The following FGF13 variants were observed in gnomAD, a reference collection of about 807,000 sequenced individuals.
FGF13 encodes the protein fibroblast growth factor homologous factor 2.
A neutral mutation model predicts 19.5 loss-of-function variants in FGF13; 2 were observed. The observed-to-expected ratio is 0.10, with a 90% confidence interval of 0.04 to 0.32. The LOEUF is 0.32. Among genes scored for constraint, FGF13 ranks in the 10% least tolerant of loss-of-function variants. The pLI, the probability that FGF13 is intolerant of heterozygous loss-of-function variation, is 1.00. For synonymous variants in FGF13, 72 were observed against 76.9 expected, an observed-to-expected ratio of 0.94 and a Z score of 0.33; for missense variants, 113 against 192.7, an observed-to-expected ratio of 0.59 and a Z score of 2.45.
chrX:139,068,029 C>T lies in FGF13; in HGVS notation c.-113+135387G>A, dbSNP rs777934670. The stretch of plus-strand genomic sequence containing the variant: ...TCAATTTTGTCTTTTGTTGCCATTG[C>T]TTTTGGTGTTTTAGACATGAAGTCC... On this transcript the variant is annotated intron_variant, in intron 1 of 2. Coordinates refer to the FGF13 transcript ENST00000421460. Among the ~76,000 whole-genome samples the T allele has an allele frequency of 3.2e-3, 329 of 101,509 alleles. 2 individuals are homozygous for T. Among genetic ancestry groups the T allele is most frequent in the African/African-American group, 0.012 (309 of 25,894 alleles). The allele number at this position is 101,509 out of a possible 115,157, so 88.1% of individuals were successfully genotyped here. A position where few individuals can be genotyped will look rare whatever the true frequency, so the allele number is the denominator to read the frequency against.
At chrX:139,037,790 T>C (rs1015871230) in intron 1 of FGF13, among the ~76,000 whole-genome samples, 2 of 112,436 alleles carry the variant, frequency 1.8e-5, no homozygotes, top group Non-Finnish European at 3.8e-5. Context: ...TTTTACCATT[T>C]AAGGTAATAT....
At chrX:138,636,243 T>G (rs1208171477) in intron 3 of FGF13, among the ~76,000 whole-genome samples, 1 of 111,527 alleles carries the variant, frequency 9.0e-6, no homozygotes, top group South Asian at 3.8e-4. Flanking sequence ...GAAAGAAAAA[T>G]TCCCCCCTCA....
rs777929625 is a variant in FGF13 at position 138,626,037 on chromosome X, CAG to C, written c.*6811_*6812del. On this transcript the variant is annotated 3_prime_UTR_variant, in exon 5 of 5. Coordinates refer to ENST00000315930, the MANE Select transcript of FGF13 (RefSeq NM_004114.5). ...GCAAGGTTGTGAATCATACTTTGCT[CAG>C]AGTCTATTTTCTTTCTTTCATTTTG... 2.8e-3 allele frequency: 306 copies of C among 110,944 alleles called. 2 individuals are homozygous for C. The highest frequency in any genetic ancestry group is 9.6e-3 in the African/African-American group (289 of 29,949). The allele number at this position is 110,944 out of a possible 1,213,427, so 9.1% of individuals were successfully genotyped here. A position where few individuals can be genotyped will look rare whatever the true frequency, so the allele number is the denominator to read the frequency against.
chrX:139,069,682 A>G (rs1296741615), intron 1 of FGF13, among the ~76,000 whole-genome samples: 1 of 112,434 alleles, frequency 8.9e-6, no homozygotes, highest in Non-Finnish European at 1.9e-5. Flanking sequence ...AGACAATCCT[A>G]AGCCAAAAGA....
intron 1 of FGF13, among the ~76,000 whole-genome samples, chrX:139,054,899 G>GTTGTGTTGTA (rs1556347171): frequency 0.013 from 1,307 of 98,860 alleles, 25 homozygotes; most frequent in African/African-American, 0.034. Flanking sequence ...GTTGTGTTGT[G>GTTGTGTTGTA]TTGTATTGTA....
intron 3 of FGF13, among the ~76,000 whole-genome samples, chrX:138,818,734 G>C (rs1160669629): frequency 9.0e-6 from 1 of 110,870 alleles, no homozygotes; most frequent in East Asian, 2.8e-4. Context: ...TGGTAAAAAA[G>C]AATCATCCTT....
intron 1 of FGF13, among the ~76,000 whole-genome samples, chrX:139,081,145 T>A (rs761088782): frequency 9.0e-6 from 1 of 110,821 alleles, no homozygotes; most frequent in Non-Finnish European, 1.9e-5. Context: ...TGCCAAGCAA[T>A]CTTTCATCCC....
At chrX:138,665,536 T>C (rs1315539581) in intron 3 of FGF13, among the ~76,000 whole-genome samples, 1 of 111,670 alleles carries the variant, frequency 9.0e-6, no homozygotes. Context: ...GGCTGGGCCT[T>C]TGGAAATATA....
intron 3 of FGF13, among the ~76,000 whole-genome samples, chrX:138,778,912 T>C (rs774494687): frequency 8.9e-6 from 1 of 112,355 alleles, no homozygotes; most frequent in African/African-American, 3.2e-5. Flanking sequence ...GACTTAAATG[T>C]CCCTGTCTGA....
chrX:138,867,691 G>C (rs762149139), intron 1 of FGF13, among the ~76,000 whole-genome samples: 1 of 111,040 alleles, frequency 9.0e-6, no homozygotes, highest in Admixed American at 9.6e-5. Flanking sequence ...ATCTCCCACC[G>C]GGTCTCTCCC....
chrX:139,078,181 A>G (rs1005896636), intron 1 of FGF13, among the ~76,000 whole-genome samples: 3 of 110,220 alleles, frequency 2.7e-5, no homozygotes, highest in Non-Finnish European at 3.8e-5. Context: ...CAAACTGCTC[A>G]GGCCATTAGC....
At chrX:139,150,070 T>G (rs982779075) in intron 1 of FGF13, among the ~76,000 whole-genome samples, 8 of 111,620 alleles carry the variant, frequency 7.2e-5, no homozygotes, top group African/African-American at 2.6e-4. Flanking sequence ...GCTAATTCTC[T>G]CCATCTGAAT....
intron 3 of FGF13, among the ~76,000 whole-genome samples, chrX:138,653,353 A>G (rs1330814144): frequency 1.8e-5 from 2 of 111,862 alleles, no homozygotes; most frequent in Non-Finnish European, 3.8e-5. Context: ...AATGTTGTTT[A>G]GAGAAGGAAA....
At chrX:138,827,196 G>A (rs181391362) in intron 3 of FGF13, among the ~76,000 whole-genome samples, 2 of 111,990 alleles carry the variant, frequency 1.8e-5, no homozygotes, top group Admixed American at 1.9e-4. Context: ...GTTGTTCTGC[G>A]GTGCTGTGGC....
chrX:139,022,950 AC>A (rs1023292611), intron 1 of FGF13, among the ~76,000 whole-genome samples: 4 of 111,469 alleles, frequency 3.6e-5, no homozygotes, highest in African/African-American at 1.3e-4. Flanking sequence ...TTCACCCTTC[AC>A]AAAAACCATT....
chrX:139,013,479 T>TATATA (rs2092138546), intron 1 of FGF13, among the ~76,000 whole-genome samples: 2 of 71,083 alleles, frequency 2.8e-5, no homozygotes, highest in African/African-American at 6.1e-5. Flanking sequence ...AAAGAAAATT[T>TATATA]TATATATATA....
intron 1 of FGF13, among the ~76,000 whole-genome samples, chrX:139,004,103 A>G (rs890662925): frequency 6.2e-5 from 7 of 112,650 alleles, no homozygotes; most frequent in African/African-American, 1.6e-4. Context: ...AGGCTTGGGC[A>G]GCACAGGAGC....
chrX:138,956,767 T>C (rs1323255215), intron 1 of FGF13, among the ~76,000 whole-genome samples: 1 of 111,466 alleles, frequency 9.0e-6, no homozygotes, highest in Non-Finnish European at 1.9e-5. Flanking sequence ...TAAAATAGTT[T>C]TCAAAAACCA....
intron 3 of FGF13, among the ~76,000 whole-genome samples, chrX:138,818,365 G>T (rs999978879): frequency 1.8e-5 from 2 of 109,907 alleles, no homozygotes; most frequent in Non-Finnish European, 3.8e-5. Flanking sequence ...CTTAAGGAAG[G>T]CTATGTCCAT....
Sources: allele counts gnomAD v4.1 joint callset (sites outside exome capture counted in the v4.1 genomes callset), GRCh38; gene constraint gnomAD v4.1.1; transcripts MANE v1.5; gene names NCBI Gene and HGNC (gene_info 2026-07-23, HGNC 2026-07-21).